PPHLN1: variants seen among roughly 807,000 people sequenced by gnomAD.
The protein encoded by PPHLN1 is periphilin 1, also known as periphilin-1.
In PPHLN1, 29 loss-of-function variants were observed where a neutral mutation model predicts 51.3. The ratio of observed to expected loss-of-function variants is 0.57; its 90% CI spans 0.42 to 0.77. The LOEUF (loss-of-function observed/expected upper bound fraction) is 0.77. Ranked by LOEUF, PPHLN1 falls within the 30% of genes least tolerant of loss-of-function variation. The probability of loss-of-function intolerance (pLI) is 0.00; values close to 1 mark genes in which losing one functional copy is unlikely to be tolerated. For synonymous variants in PPHLN1, 147 were observed against 147.8 expected (o/e 0.99, Z 0.04); for missense variants, 436 against 438.4 (o/e 0.99, Z 0.05).
chr12:42,404,238 A>G (rs2079086523), intron 9 of PPHLN1, among the ~76,000 whole-genome samples: 1 of 152,154 alleles, frequency 6.6e-6, no homozygotes, highest in African/African-American at 2.4e-5. Context: ...ACTTCTTAAG[A>G]ATATTTTAGG....
chr12:42,403,090 A>G (rs925972550), intron 9 of PPHLN1, among the ~76,000 whole-genome samples: 1 of 152,202 alleles, frequency 6.6e-6, no homozygotes, highest in African/African-American at 2.4e-5. Flanking sequence ...TTTTCAAAGT[A>G]GTGGCAGCTG....
At chr12:42,427,792 CA>C (rs1376633553) in intron 9 of PPHLN1, among the ~76,000 whole-genome samples, 2 of 152,090 alleles carry the variant, frequency 1.3e-5, no homozygotes, top group African/African-American at 4.8e-5. Context: ...TTTTACACAG[CA>C]AAAGGAACAG....
chr12:42,443,684 A>G (rs1310977605), downstream of PPHLN1: 1 of 152,228 alleles, frequency 6.6e-6, no homozygotes, highest in Non-Finnish European at 1.5e-5. Flanking sequence ...CATTTTCGTC[A>G]TTCCCAAAAG....
intron 7 of PPHLN1, among the ~76,000 whole-genome samples, chr12:42,388,061 T>C (rs1351878764): frequency 2.0e-5 from 3 of 152,210 alleles, no homozygotes; most frequent in South Asian, 4.1e-4. Context: ...TGTCCAAGGT[T>C]TCTCCCCATG....
chr12:42,340,772 TAC>T (rs2071359392), intron 2 of PPHLN1, among the ~76,000 whole-genome samples: 1 of 152,218 alleles, frequency 6.6e-6, no homozygotes, highest in Non-Finnish European at 1.5e-5. Context: ...TTGTGATTTG[TAC>T]ACTTTTTTAT....
intron 6 of PPHLN1, among the ~76,000 whole-genome samples, chr12:42,386,023 G>A (rs1028853234): frequency 6.6e-6 from 1 of 152,192 alleles, no homozygotes; most frequent in Non-Finnish European, 1.5e-5. Context: ...TTTTAAAGTT[G>A]CTTAGGGTGA....
intron 9 of PPHLN1, chr12:42,431,724 A>G (rs1713837077): frequency 9.3e-7 from 1 of 1,076,098 alleles, no homozygotes; most frequent in Admixed American, 1.7e-5. Flanking sequence ...TAAGGTATTA[A>G]TCTTTTCTTC....
At position 42,439,939 on chromosome 12, in the gene PPHLN1, A is replaced by G. The variant is rs376305550; in HGVS notation, c.910-1376A>G. The stretch of plus-strand genomic sequence containing the variant: ...TATAAACTTTAAAATCAGTTTGTCA[A>G]TATTCACAAAATTAATTACTGGGAT... On this transcript the variant is annotated intron_variant, in intron 9 of 9. Transcript: ENST00000358314. Among the ~76,000 whole-genome samples, 16 of 152,136 alleles carry G rather than the reference A, an allele frequency of 1.1e-4. 1 individual carries two copies. In the East Asian group the frequency reaches 2.7e-3, roughly 26 times the overall value.
intron 4 of PPHLN1, among the ~76,000 whole-genome samples, chr12:42,370,016 C>T (rs2075650701): frequency 6.6e-6 from 1 of 152,220 alleles, no homozygotes; most frequent in East Asian, 1.9e-4. Flanking sequence ...CAGGCATGGC[C>T]AGGCCTTACT....
intron 2 of PPHLN1, among the ~76,000 whole-genome samples, chr12:42,337,549 G>A (rs1003885444): frequency 1.2e-4 from 18 of 151,434 alleles, no homozygotes; most frequent in African/African-American, 4.4e-4. Context: ...GCCCACCTTG[G>A]TCTCCCAAAG....
chr12:42,360,897 C>T (rs892815005), intron 4 of PPHLN1, among the ~76,000 whole-genome samples: 3 of 152,154 alleles, frequency 2.0e-5, no homozygotes, highest in Non-Finnish European at 4.4e-5. Flanking sequence ...AGTTTCTTTA[C>T]TGTTAAGTTG....
intron 9 of PPHLN1, among the ~76,000 whole-genome samples, chr12:42,405,149 C>T (rs2139414121): frequency 6.6e-6 from 1 of 152,262 alleles, no homozygotes; most frequent in South Asian, 2.1e-4. Flanking sequence ...TGCTTGTATA[C>T]ACATAGCATA....
chr12:42,414,878 A>G (rs1490807364), intron 9 of PPHLN1, among the ~76,000 whole-genome samples: 1 of 152,216 alleles, frequency 6.6e-6, no homozygotes, highest in Non-Finnish European at 1.5e-5. Flanking sequence ...AAATTTACCT[A>G]GAATTAGATT....
chr12:42,432,996 C>A, intron 9 of PPHLN1: 2 of 1,399,344 alleles, frequency 1.4e-6, no homozygotes, highest in Non-Finnish European at 2.0e-6. Context: ...TCTTTATGTG[C>A]ATTTTCATTA....
At chr12:42,414,510 G>GTATTT (rs766091899) in intron 9 of PPHLN1, among the ~76,000 whole-genome samples, 2 of 151,508 alleles carry the variant, frequency 1.3e-5, no homozygotes, top group Non-Finnish European at 1.5e-5. Context: ...ATATTCCTAG[G>GTATTT]TATTTTATTT....
intron 4 of PPHLN1, chr12:42,359,112 C>T (rs1436174152): frequency 1.3e-5 from 2 of 152,132 alleles, no homozygotes; most frequent in African/African-American, 4.8e-5. Context: ...TTCTGACATA[C>T]TGTATTCTAA....
intron 9 of PPHLN1, among the ~76,000 whole-genome samples, chr12:42,426,994 T>G (rs1324339148): frequency 6.6e-6 from 1 of 152,200 alleles, no homozygotes; most frequent in Non-Finnish European, 1.5e-5. Context: ...GGAGAGTAAC[T>G]GGGTGGATCT....
chr12:42,380,516 G>A (rs1384337103), intron 5 of PPHLN1, among the ~76,000 whole-genome samples: 1 of 152,088 alleles, frequency 6.6e-6, no homozygotes, highest in African/African-American at 2.4e-5. Flanking sequence ...TTGGAAGATA[G>A]AGTCCATTTT....
chr12:42,406,086 G>GTGTTT (rs781645095), intron 9 of PPHLN1, among the ~76,000 whole-genome samples: 13 of 135,236 alleles, frequency 9.6e-5, no homozygotes, highest in African/African-American at 2.7e-4. Flanking sequence ...GTTTAGTCTG[G>GTGTTT]TTTTTTTTTT....
Sources: gnomAD v4.1 joint callset for allele counts (sites outside exome capture counted in the v4.1 genomes callset) on GRCh38, gnomAD v4.1.1 for gene constraint, MANE v1.5 for transcripts, NCBI Gene and HGNC (gene_info 2026-07-23, HGNC 2026-07-21) for gene names.